NBEA: variants seen among roughly 807,000 people sequenced by gnomAD.
The protein encoded by NBEA is neurobeachin.
Under a neutral mutation model 343.4 loss-of-function variants are expected in NBEA, and 44 were observed. The ratio of observed to expected loss-of-function variants is 0.13; its 90% CI spans 0.10 to 0.16. The LOEUF (loss-of-function observed/expected upper bound fraction) is 0.16, where lower values mean the gene tolerates loss of function less well. Among genes scored for constraint, NBEA ranks in the 10% least tolerant of loss-of-function variants. The pLI, the probability that NBEA is intolerant of heterozygous loss-of-function variation, is 1.00. For missense variants in NBEA, 2,555 were observed against 3,631.3 expected (o/e 0.70, Z 7.62); for synonymous variants, 1,175 against 1,238.7 (o/e 0.95, Z 1.08).
chr13:35,335,127 C>T (rs1425476260), intron 36 of NBEA, among the ~76,000 whole-genome samples: 1 of 152,040 alleles, frequency 6.6e-6, no homozygotes, highest in African/African-American at 2.4e-5. Context: ...TCTTTGGCAC[C>T]TTTGTCAAAA....
chr13:35,387,900 T>A (rs1318734980), intron 38 of NBEA, among the ~76,000 whole-genome samples: 1 of 152,172 alleles, frequency 6.6e-6, no homozygotes, highest in Non-Finnish European at 1.5e-5. Context: ...GCCTTTTCCC[T>A]GCAAGGAGAT....
chr13:35,052,768 G>A (rs576757752), intron 6 of NBEA, among the ~76,000 whole-genome samples: 2 of 151,660 alleles, frequency 1.3e-5, no homozygotes, highest in East Asian at 3.9e-4. Flanking sequence ...TAAGTACTAT[G>A]GTCTTTACTG....
intron 44 of NBEA, among the ~76,000 whole-genome samples, chr13:35,566,634 G>A (rs990495906): frequency 6.6e-5 from 10 of 152,198 alleles, no homozygotes; most frequent in Non-Finnish European, 7.3e-5. Context: ...AAGGGAGGCT[G>A]AGAAATGTGG....
At chr13:35,146,763 G>C (rs1460918764) in intron 18 of NBEA, among the ~76,000 whole-genome samples, 1 of 152,110 alleles carries the variant, frequency 6.6e-6, no homozygotes, top group Non-Finnish European at 1.5e-5. Context: ...GCTATCATTT[G>C]GGCCTGCTGC....
chr13:35,034,337 C>A (rs116924492), intron 1 of NBEA, among the ~76,000 whole-genome samples: 1 of 151,880 alleles, frequency 6.6e-6, no homozygotes. Flanking sequence ...GTTGAACCGT[C>A]CTTGTATCCC....
At chr13:35,210,030 A>G (rs1566462712) in intron 32 of NBEA, among the ~76,000 whole-genome samples, 2 of 152,126 alleles carry the variant, frequency 1.3e-5, no homozygotes, top group African/African-American at 2.4e-5. Flanking sequence ...TTCTTTTACT[A>G]AAGTATATAC....
At chr13:35,350,012 C>A (rs570109288) in intron 37 of NBEA, among the ~76,000 whole-genome samples, 2 of 152,030 alleles carry the variant, frequency 1.3e-5, no homozygotes, top group African/African-American at 4.8e-5. Flanking sequence ...ATTGCAACAA[C>A]CGTATTCTGA....
At chr13:35,015,371 G>A (rs560582445) in intron 1 of NBEA, among the ~76,000 whole-genome samples, 8 of 151,962 alleles carry the variant, frequency 5.3e-5, no homozygotes, top group Non-Finnish European at 1.0e-4. Flanking sequence ...GGTGAATTTG[G>A]CAGTGGTATT....
At chr13:35,309,665 C>T (rs1242451876) in intron 36 of NBEA, 73 bp downstream of exon 36, 2 of 757,274 alleles carry the variant, frequency 2.6e-6, no homozygotes, top group East Asian at 3.2e-5. Flanking sequence ...TCTTTCCTAC[C>T]ATCTGTTCCA....
At chr13:35,621,160 T>C (rs960102673) in intron 48 of NBEA, among the ~76,000 whole-genome samples, 2 of 152,156 alleles carry the variant, frequency 1.3e-5, no homozygotes, top group African/African-American at 2.4e-5. Context: ...GTCAGTAATC[T>C]GGGGCAGGAG....
chr13:35,066,127 AT>A (rs939169846), intron 8 of NBEA, among the ~76,000 whole-genome samples: 2 of 151,738 alleles, frequency 1.3e-5, no homozygotes. Flanking sequence ...TGCCTGACTA[AT>A]TTTTCAGTTT....
chr13:35,035,277 T>TGTCATTCAGG (rs2062397054), intron 1 of NBEA, among the ~76,000 whole-genome samples: 1 of 151,968 alleles, frequency 6.6e-6, no homozygotes. Flanking sequence ...TTGACCCGCT[T>TGTCATTCAGG]GTCATTCAGG....
intron 41 of NBEA, among the ~76,000 whole-genome samples, chr13:35,516,383 A>G (rs1300489234): frequency 2.0e-5 from 3 of 152,154 alleles, no homozygotes; most frequent in Non-Finnish European, 4.4e-5. Context: ...CGTATATACC[A>G]TCTAGTAATG....
chr13:35,306,315 C>A (rs980034282), intron 35 of NBEA, among the ~76,000 whole-genome samples: 1 of 151,742 alleles, frequency 6.6e-6, no homozygotes, highest in East Asian at 1.9e-4. Flanking sequence ...TTGATAATTT[C>A]TTGATACAAT....
intron 10 of NBEA, among the ~76,000 whole-genome samples, chr13:35,090,485 G>A (rs73167756): frequency 1.3e-5 from 2 of 152,010 alleles, no homozygotes; most frequent in Non-Finnish European, 2.9e-5. Flanking sequence ...TAAAATTAAT[G>A]GGTTGCAATG....
At chr13:35,083,443 G>A (rs550198110) in intron 10 of NBEA, among the ~76,000 whole-genome samples, 53 of 152,150 alleles carry the variant, frequency 3.5e-4, no homozygotes, top group African/African-American at 1.3e-3. Flanking sequence ...GAAGAGAGTG[G>A]GGGCCAATAT....
intron 47 of NBEA, among the ~76,000 whole-genome samples, chr13:35,594,225 T>C (rs1399908190): frequency 6.6e-6 from 1 of 152,106 alleles, no homozygotes; most frequent in Non-Finnish European, 1.5e-5. Flanking sequence ...GGCACATTTT[T>C]TTCCCATTAC....
At chr13:35,008,550 G>A (rs187282222) in intron 1 of NBEA, among the ~76,000 whole-genome samples, 3 of 152,206 alleles carry the variant, frequency 2.0e-5, no homozygotes, top group African/African-American at 7.2e-5. Flanking sequence ...TTGATCCATA[G>A]TTGTTTGAAT....
chr13:35,092,842 G>A (rs1166512268), intron 10 of NBEA, among the ~76,000 whole-genome samples: 2 of 151,818 alleles, frequency 1.3e-5, no homozygotes, highest in Non-Finnish European at 2.9e-5. Context: ...TCTACTCCTC[G>A]GCATTTATTT....
Sources: allele counts gnomAD v4.1 joint callset (sites outside exome capture counted in the v4.1 genomes callset), GRCh38; gene constraint gnomAD v4.1.1; transcripts MANE v1.5; gene names NCBI Gene and HGNC (gene_info 2026-07-23, HGNC 2026-07-21).